ZNF521: variants seen among roughly 807,000 people sequenced by gnomAD.
ZNF521 encodes the protein zinc finger protein 521.
Under a neutral mutation model 105.5 loss-of-function variants are expected in ZNF521, and 14 were observed. The ratio of observed to expected loss-of-function variants is 0.13; its 90% confidence interval spans 0.09 to 0.21. The LOEUF is 0.21. ZNF521 is among the 10% of genes least tolerant of loss of function. The pLI is 1.00. For missense variants in ZNF521, 1,233 were observed against 1,629.7 expected (o/e 0.76, Z 4.19); for synonymous variants, 635 against 606.0 (o/e 1.05, Z -0.70).
chr18:25,333,212 G>T (rs549322979), intron 2 of ZNF521, among the ~76,000 whole-genome samples: 1 of 150,998 alleles, frequency 6.6e-6, no homozygotes, highest in Non-Finnish European at 1.5e-5. Context: ...ACACATAGGA[G>T]GAAATGGCTG....
chr18:25,131,982 A>G (rs2034649549), intron 5 of ZNF521, among the ~76,000 whole-genome samples: 2 of 152,146 alleles, frequency 1.3e-5, no homozygotes, highest in African/African-American at 2.4e-5. Flanking sequence ...AGCATGGCAG[A>G]AGCTAGAAAG....
At chr18:25,232,625 C>G (rs1477306144) in intron 3 of ZNF521, among the ~76,000 whole-genome samples, 1 of 152,142 alleles carries the variant, frequency 6.6e-6, no homozygotes, top group Non-Finnish European at 1.5e-5. Flanking sequence ...TACTATGTTC[C>G]AAACATTAAA....
At chr18:25,241,712 C>T (rs183733177) in intron 3 of ZNF521, among the ~76,000 whole-genome samples, 172 of 152,226 alleles carry the variant, frequency 1.1e-3, no homozygotes, top group African/African-American at 3.8e-3. Context: ...GGAAAATGTG[C>T]ACATCTTTAG....
At chr18:25,127,393 C>T (rs1335300580) in intron 5 of ZNF521, among the ~76,000 whole-genome samples, 2 of 151,738 alleles carry the variant, frequency 1.3e-5, no homozygotes, top group Non-Finnish European at 2.9e-5. Flanking sequence ...TTACTATATG[C>T]CCAGCATAGA....
chr18:25,219,584 G>T (rs1048156807), intron 4 of ZNF521, among the ~76,000 whole-genome samples: 5 of 152,102 alleles, frequency 3.3e-5, no homozygotes, highest in Non-Finnish European at 5.9e-5. Flanking sequence ...AACACTTTGG[G>T]AGGCTGAGGC....
At position 25,225,406 on chromosome 18, in the gene ZNF521, T is replaced by G. The variant is rs1259313374; in HGVS notation, c.2512A>C (p.Lys838Gln). Reference protein sequence around the residue: ...LREKHCVFETKTPNCGTNGAS... With the variant: ...LREKHCVFETQTPNCGTNGAS... The stretch of plus-strand genomic sequence containing the variant: ...CCATTTGTTCCACAGTTGGGTGTCT[T>G]GGTTTCGAATACACAGTGTTTTTCT... The change falls in exon 4 of 8, where the codon AAG becomes CAG. Residue 838 changes from lysine to glutamine, a missense_variant. Transcript: ENST00000361524. This position sits in a 1 kb window ranked among gnomAD's most constrained non-coding sequence, Gnocchi z 5.6. The G allele has an allele frequency of 6.2e-7, 1 of 1,614,078 alleles. No individual in the cohort carries two copies. Among genetic ancestry groups the G allele is most frequent in the African/African-American group, 1.3e-5 (1 of 74,934 alleles).
At chr18:25,277,938 C>A (rs1910139148) in intron 3 of ZNF521, among the ~76,000 whole-genome samples, 3 of 152,288 alleles carry the variant, frequency 2.0e-5, no homozygotes, top group Admixed American at 2.0e-4. Context: ...TTTCCCTACA[C>A]CCACAATCCA....
At chr18:25,250,923 A>G (rs1908076274) in intron 3 of ZNF521, among the ~76,000 whole-genome samples, 1 of 152,244 alleles carries the variant, frequency 6.6e-6, no homozygotes, top group Non-Finnish European at 1.5e-5. Context: ...ATTCAAAGTG[A>G]AAATATATTC....
chr18:25,273,207 G>T (rs1909785075), intron 3 of ZNF521, among the ~76,000 whole-genome samples: 1 of 62,868 alleles, frequency 1.6e-5, no homozygotes, highest in Non-Finnish European at 2.9e-5. Flanking sequence ...CAAGAGGAGT[G>T]AAACCCTGTC....
At chr18:25,323,672 G>A (rs1188078518) in intron 2 of ZNF521, among the ~76,000 whole-genome samples, 2 of 152,048 alleles carry the variant, frequency 1.3e-5, no homozygotes, top group African/African-American at 4.8e-5. Context: ...AAATAACCAA[G>A]TATTTCTCAA....
At chr18:25,292,664 C>T (rs1911101274) in intron 3 of ZNF521, among the ~76,000 whole-genome samples, 1 of 152,126 alleles carries the variant, frequency 6.6e-6, no homozygotes, top group South Asian at 2.1e-4. Flanking sequence ...AGGGAAACAG[C>T]CCCATTAGAC....
Position 25,224,485 on chromosome 18 carries a change from C to T in ZNF521, c.3433G>A (p.Val1145Ile), listed in dbSNP as rs770755347. 6.2e-6 allele frequency: 10 copies of T among 1,614,060 alleles called. No homozygotes were observed. The highest frequency in any genetic ancestry group is 2.2e-5 in the East Asian group (1 of 44,856). Residue 1145 changes from valine to isoleucine, a missense_variant, in exon 4 of 8, where the codon GTT (valine) becomes ATT (isoleucine). By Grantham distance (29) the Val-to-Ile change is conservative (BLOSUM62 3). This residue lies in a region of ZNF521 where 614 missense variants were observed against 751.5 expected (regional missense o/e 0.82). Coordinates refer to ENST00000361524, the MANE Select transcript of ZNF521 (RefSeq NM_015461.3). ...AGTTCACTTTCAGACTCAAACTTAA[C>T]GTTGCAGCTAGAGCAGCGTGTCTTC... Reference protein sequence around the residue: ...GLKTRCSSCNVKFESESELQN... With the variant: ...GLKTRCSSCNIKFESESELQN...
intron 4 of ZNF521, among the ~76,000 whole-genome samples, chr18:25,222,633 A>G (rs911760384): frequency 1.3e-5 from 2 of 152,230 alleles, no homozygotes; most frequent in African/African-American, 4.8e-5. Flanking sequence ...ATGAGTATCA[A>G]TCTCTTGTAG....
intron 5 of ZNF521, 106 bp downstream of exon 5, chr18:25,195,054 A>G: frequency 1.1e-6 from 1 of 935,130 alleles, no homozygotes; most frequent in East Asian, 2.7e-5. Context: ...ATGCCGAGGA[A>G]AAACAATGAT....
chr18:25,140,307 T>G (rs2034822974), intron 5 of ZNF521, among the ~76,000 whole-genome samples: 1 of 152,184 alleles, frequency 6.6e-6, no homozygotes, highest in African/African-American at 2.4e-5. Context: ...ATCTCTCGGC[T>G]GAGATTTCTG....
intron 3 of ZNF521, among the ~76,000 whole-genome samples, chr18:25,274,785 G>A (rs193014568): frequency 3.9e-4 from 60 of 152,284 alleles, no homozygotes; most frequent in African/African-American, 1.4e-3. Context: ...GTGTCTAGTG[G>A]ATGGGAGAGT....
intron 2 of ZNF521, among the ~76,000 whole-genome samples, chr18:25,350,297 C>A (rs1445526766): frequency 2.6e-5 from 4 of 151,710 alleles, no homozygotes; most frequent in African/African-American, 7.3e-5. Context: ...AAGAGGGGTG[C>A]TCTGAGGCCC....
At position 25,322,532 on chromosome 18, in the gene ZNF521, A is replaced by G. The variant is rs577333818; in HGVS notation, c.41-345T>C. Reference sequence around the variant, plus strand: ...CACTTTTAAAATTAAACAGTCTCCAATGCAAAAAAAAAAAAAAAAAACCCC... The same window carrying G: ...CACTTTTAAAATTAAACAGTCTCCAGTGCAAAAAAAAAAAAAAAAAACCCC... On this transcript the variant is annotated intron_variant, in intron 2 of 7. Transcript: ENST00000361524. Among the ~76,000 whole-genome samples the G allele has an allele frequency of 2.4e-3, 215 of 91,230 alleles. 2 individuals carry two copies. Among genetic ancestry groups the G allele is most frequent in the African/African-American group, 7.8e-3 (195 of 24,984 alleles). 59.9% of individuals were successfully genotyped at this position (91,230 alleles called of 152,430 possible). A position where few individuals can be genotyped will look rare whatever the true frequency, so the allele number is the denominator to read the frequency against.
In ZNF521 at chr18:25,323,978, G is replaced by GT. The variant is rs112163840; in HGVS notation, c.41-1792dup. On this transcript the variant is annotated intron_variant, in intron 2 of 7. Coordinates refer to ENST00000361524, the MANE Select transcript of ZNF521 (RefSeq NM_015461.3). Reference sequence around the variant, plus strand: ...AAGAGCACGTAGTTTTGTTTGTTGGGTTTTTTCAAAATTAACACACTGTTT... The same window carrying GT: ...AAGAGCACGTAGTTTTGTTTGTTGGGTTTTTTTCAAAATTAACACACTGTTT... Among the ~76,000 whole-genome samples, 615 of 151,904 alleles carry GT rather than the reference G, an allele frequency of 4.0e-3. 6 individuals are homozygous for GT. The highest frequency in any genetic ancestry group is 0.014 in the African/African-American group (596 of 41,458).
Sources: allele counts gnomAD v4.1 joint callset (sites outside exome capture counted in the v4.1 genomes callset), GRCh38; gene constraint gnomAD v4.1.1; regional missense constraint gnomAD v4.1.1; non-coding constraint Gnocchi (gnomAD v3.1); transcripts MANE v1.5; gene names NCBI Gene and HGNC (gene_info 2026-07-23, HGNC 2026-07-21).